The following DOCK4 variants were observed in gnomAD, a reference collection of about 807,000 sequenced individuals.
The protein encoded by DOCK4 is dedicator of cytokinesis 4, also known as dedicator of cytokinesis protein 4.
A neutral mutation model predicts 268.1 loss-of-function variants in DOCK4; 97 were observed. The ratio of observed to expected loss-of-function variants is 0.36; its 90% confidence interval spans 0.31 to 0.43. The LOEUF is 0.43. Ranked by LOEUF, DOCK4 falls within the 20% of genes least tolerant of loss-of-function variation. DOCK4 has a pLI of 1.00. For missense variants in DOCK4, 2,145 were observed against 2,455.7 expected (o/e 0.87, Z 2.67); for synonymous variants, 954 against 887.2 (o/e 1.08, Z -1.34).
rs979534493 is a variant in DOCK4 at position 111,847,044 on chromosome 7, T to A, written c.2556A>T (p.Ala852=). 9.3e-6 allele frequency: 15 copies of A among 1,613,744 alleles called. No homozygotes were observed. In the African/African-American group the frequency reaches 1.9e-4, roughly 20 times the overall value. ...GACAAAATACGTTGCTAAGGATACG[T>A]GCACACATGATCAGGTCCTTCTGTT... ...LQEQKDLIMC[A]RILSNVFCLI... The change falls in exon 24 of 53, where the codon GCA becomes GCT. Residue 852 remains alanine, a synonymous_variant. Transcript: ENST00000428084.
intron 30 of DOCK4, among the ~76,000 whole-genome samples, chr7:111,802,993 A>C (rs1158954025): frequency 6.6e-6 from 1 of 152,220 alleles, no homozygotes; most frequent in African/African-American, 2.4e-5. Context: ...TGCCTTTATC[A>C]CACCTAAAAA....
rs888231815 is a variant in DOCK4 at position 112,206,293 on chromosome 7, C to T, written c.-155G>A. 2.5e-6 allele frequency: 2 copies of T among 786,618 alleles called. No homozygotes were observed. The highest frequency in any genetic ancestry group is 4.0e-6 in the Non-Finnish European group (2 of 499,420). 48.7% of individuals were successfully genotyped at this position (786,618 alleles called of 1,614,324 possible). On this transcript the variant is annotated 5_prime_UTR_variant, in exon 1 of 53. Coordinates refer to ENST00000428084, the MANE Select transcript of DOCK4 (RefSeq NM_001363540.2). ...GGGCAGGATCTGCGCTGGAGGCTCCCGAGCCCAGCGTTGACACTGCGCCGC... is the reference window on the plus strand; with the variant it reads ...GGGCAGGATCTGCGCTGGAGGCTCCTGAGCCCAGCGTTGACACTGCGCCGC...
At chr7:112,054,110 C>A (rs964086308) in intron 1 of DOCK4, among the ~76,000 whole-genome samples, 1 of 152,030 alleles carries the variant, frequency 6.6e-6, no homozygotes, top group South Asian at 2.1e-4. Flanking sequence ...TCACTTCAAC[C>A]CAGGAGTTCA....
intron 5 of DOCK4, 136 bp from the exon 6 acceptor site, chr7:111,989,299 G>A (rs1799313997): frequency 8.5e-7 from 1 of 1,180,062 alleles, no homozygotes; most frequent in Non-Finnish European, 1.2e-6. Flanking sequence ...TCCGTGAACA[G>A]ACAAACTGTT....
chr7:111,935,090 G>A (rs1794620401), intron 12 of DOCK4, among the ~76,000 whole-genome samples: 2 of 151,882 alleles, frequency 1.3e-5, no homozygotes, highest in South Asian at 4.2e-4. Flanking sequence ...GGGATTACAG[G>A]CACCTGCCAC....
chr7:111,743,002 AAAAAAAG>A lies in DOCK4; in HGVS notation c.4678-877_4678-871del, dbSNP rs1319260906. On this transcript the variant is annotated intron_variant, in intron 44 of 52. Transcript: ENST00000428084. ...GCTAGACTCTGTCTCCAAAAAGAAA[AAAAAAAG>A]AAAAAAGAAAAAAATCCCAAAAAAC... Among the ~76,000 whole-genome samples, 7 of 152,260 alleles carry A rather than the reference AAAAAAAG, an allele frequency of 4.6e-5. No individual in the cohort carries two copies. In the South Asian group the frequency reaches 8.3e-4, roughly 18 times the overall value.
chr7:112,113,956 C>A (rs868265437), intron 1 of DOCK4, among the ~76,000 whole-genome samples: 76 of 151,962 alleles, frequency 5.0e-4, no homozygotes, highest in African/African-American at 1.6e-3. Context: ...TTTGGCAAAG[C>A]CATCATTTTT....
At chr7:111,974,544 G>GTA (rs1491035503) in intron 8 of DOCK4, among the ~76,000 whole-genome samples, 1 of 128,724 alleles carries the variant, frequency 7.8e-6, no homozygotes, top group Non-Finnish European at 1.6e-5. Context: ...GTGTGTGTGT[G>GTA]TATGATGGGG....
chr7:111,771,953 A>G (rs921939238), intron 36 of DOCK4, among the ~76,000 whole-genome samples: 2 of 152,178 alleles, frequency 1.3e-5, no homozygotes, highest in African/African-American at 4.8e-5. Flanking sequence ...CTCAGAAAAT[A>G]CCCCAGAGAC....
chr7:111,930,611 C>A (rs1314274083), intron 12 of DOCK4, among the ~76,000 whole-genome samples: 1 of 152,172 alleles, frequency 6.6e-6, no homozygotes, highest in Non-Finnish European at 1.5e-5. Context: ...ACAAACAATT[C>A]TGTGGTCCAG....
At chr7:111,902,240 A>G (rs1791205461) in intron 13 of DOCK4, among the ~76,000 whole-genome samples, 1 of 152,240 alleles carries the variant, frequency 6.6e-6, no homozygotes, top group Admixed American at 6.5e-5. Context: ...AAAGGGTACA[A>G]TTACAACTTA....
rs1022895177 is a variant in DOCK4, at chr7:112,051,066, C to T, written c.38-46935G>A. ...AACAAAGAAGAGAGTATTAGGCACA[C>T]ATATATGTTAATACTATATAATACC... On this transcript the variant is annotated intron_variant, in intron 1 of 52. Coordinates refer to ENST00000428084, the MANE Select transcript of DOCK4 (RefSeq NM_001363540.2). Among the ~76,000 whole-genome samples, 5 of 152,174 alleles carry T rather than the reference C, an allele frequency of 3.3e-5. No individual in the cohort carries two copies. The South Asian group carries it at 8.3e-4, about 25-fold the overall frequency.
chr7:111,770,626 T>C (rs1315067154), intron 36 of DOCK4, among the ~76,000 whole-genome samples: 1 of 152,172 alleles, frequency 6.6e-6, no homozygotes, highest in East Asian at 1.9e-4. Context: ...GGAACCAGAA[T>C]TGTCACTGAT....
intron 1 of DOCK4, among the ~76,000 whole-genome samples, chr7:112,073,193 T>C (rs373019717): frequency 2.0e-5 from 3 of 152,236 alleles, no homozygotes; most frequent in African/African-American, 7.2e-5. Flanking sequence ...TCATTTTGTC[T>C]ATGTCCCTCT....
At chr7:112,000,159 T>C (rs1466833761) in intron 3 of DOCK4, among the ~76,000 whole-genome samples, 1 of 152,164 alleles carries the variant, frequency 6.6e-6, no homozygotes, top group Non-Finnish European at 1.5e-5. Context: ...TAAATACTGC[T>C]ATTTAATATT....
intron 8 of DOCK4, among the ~76,000 whole-genome samples, chr7:111,968,961 C>CA (rs1780914993): frequency 1.1e-5 from 1 of 89,422 alleles, no homozygotes; most frequent in Admixed American, 1.2e-4. Context: ...ATCGCAAGAA[C>CA]AAAAAACCAA....
At chr7:111,888,868 T>A (rs947364315) in intron 16 of DOCK4, among the ~76,000 whole-genome samples, 1 of 151,916 alleles carries the variant, frequency 6.6e-6, no homozygotes, top group South Asian at 2.1e-4. Context: ...CGAAAGAGTA[T>A]CTCTGGAAAG....
intron 1 of DOCK4, among the ~76,000 whole-genome samples, chr7:112,101,839 C>A (rs1563085437): frequency 6.7e-6 from 1 of 150,374 alleles, no homozygotes; most frequent in Admixed American, 6.6e-5. Flanking sequence ...TTTTCTTTTT[C>A]TTTTTCTTTT....
At chr7:111,752,041 AATT>A (rs772968063) in intron 42 of DOCK4, among the ~76,000 whole-genome samples, 7 of 152,242 alleles carry the variant, frequency 4.6e-5, no homozygotes, top group Non-Finnish European at 1.0e-4. Context: ...ATGATCAAGT[AATT>A]ATTGTTAATT....
Sources: gnomAD v4.1 joint callset for allele counts (sites outside exome capture counted in the v4.1 genomes callset) on GRCh38, gnomAD v4.1.1 for gene constraint, MANE v1.5 for transcripts, NCBI Gene and HGNC (gene_info 2026-07-23, HGNC 2026-07-21) for gene names.